The following INO80 variants were observed in gnomAD, a reference collection of about 807,000 sequenced individuals.
INO80 encodes the protein INO80 complex ATPase subunit.
INO80 carries 20 observed loss-of-function variants against 203.4 expected under a neutral mutation model. The observed-to-expected ratio is 0.10, with a 90% CI of 0.07 to 0.14. The LOEUF (loss-of-function observed/expected upper bound fraction) is 0.14. Ranked by LOEUF, INO80 falls within the 10% of genes least tolerant of loss-of-function variation. The pLI, the probability that INO80 is intolerant of heterozygous loss-of-function variation, is 1.00. For synonymous variants in INO80, 726 were observed against 685.2 expected (o/e 1.06, Z -0.93); for missense variants, 1,419 against 1,914.4 (o/e 0.74, Z 4.83).
intron 8 of INO80, among the ~76,000 whole-genome samples, chr15:41,080,602 T>C (rs2045471380): frequency 6.6e-6 from 1 of 152,192 alleles, no homozygotes; most frequent in Non-Finnish European, 1.5e-5. Flanking sequence ...ATGCCTGTAA[T>C]CCTAGCACTT....
At chr15:40,995,590 CAG>C (rs781655127) in intron 29 of INO80, among the ~76,000 whole-genome samples, 18 of 152,106 alleles carry the variant, frequency 1.2e-4, no homozygotes, top group Non-Finnish European at 2.1e-4. Flanking sequence ...GAGAAACTAA[CAG>C]AGTACCAGCA....
At chr15:41,039,313 T>C (rs2044632476) in intron 24 of INO80, among the ~76,000 whole-genome samples, 1 of 152,222 alleles carries the variant, frequency 6.6e-6, no homozygotes, top group Non-Finnish European at 1.5e-5. Context: ...TTCTATAAAG[T>C]GATCTTCTCC....
rs142519612 is a variant in INO80, at chr15:41,076,358, T to TCAAAACAAAA, written c.1132-1803_1132-1794dup. On this transcript the variant is annotated intron_variant, in intron 9 of 35. Coordinates refer to ENST00000648947, the MANE Select transcript of INO80 (RefSeq NM_017553.3). ...CTGGGTAACAGAGCAAGACTCTGTC[T>TCAAAACAAAA]CAAAACAAAACAAAACAAAACAAAA... Among the ~76,000 whole-genome samples, 645 of 151,566 alleles carry TCAAAACAAAA rather than the reference T, an allele frequency of 4.3e-3. 8 individuals carry two copies. The highest frequency in any genetic ancestry group is 0.015 in the African/African-American group (611 of 41,166).
chr15:41,031,368 T>G (rs796661997), intron 24 of INO80, among the ~76,000 whole-genome samples: 14 of 149,790 alleles, frequency 9.3e-5, no homozygotes, highest in African/African-American at 3.2e-4. Context: ...CATTACTTCT[T>G]TAGTCTAACT....
chr15:41,075,477 C>T (rs940727841), intron 9 of INO80, among the ~76,000 whole-genome samples: 1 of 151,602 alleles, frequency 6.6e-6, no homozygotes, highest in Non-Finnish European at 1.5e-5. Context: ...AGGCGGGGGG[C>T]AGAGTCTCCC....
chr15:41,036,500 TCCCTAAAC>T (rs1566922004), intron 24 of INO80, among the ~76,000 whole-genome samples: 2 of 151,902 alleles, frequency 1.3e-5, no homozygotes, highest in Non-Finnish European at 1.5e-5. Context: ...CTGCCCACTT[TCCCTAAAC>T]CCCTAGAAGT....
intron 19 of INO80, among the ~76,000 whole-genome samples, chr15:41,051,863 C>A (rs1046812264): frequency 2.6e-5 from 4 of 152,020 alleles, no homozygotes; most frequent in Non-Finnish European, 5.9e-5. Flanking sequence ...GAGGCTGAGG[C>A]AGGCGAGTCG....
At chr15:41,096,777 C>A (rs2045731423) in intron 1 of INO80, among the ~76,000 whole-genome samples, 1 of 152,214 alleles carries the variant, frequency 6.6e-6, no homozygotes, top group African/African-American at 2.4e-5. Flanking sequence ...GCATCACCTT[C>A]AAAATAGGTG....
At chr15:41,113,171 T>C (rs956060982) in intron 1 of INO80, among the ~76,000 whole-genome samples, 1 of 152,128 alleles carries the variant, frequency 6.6e-6, no homozygotes, top group African/African-American at 2.4e-5. Flanking sequence ...CTGCTCAGCC[T>C]CCCAAAGTGC....
chr15:41,055,462 A>T, intron 17 of INO80, 98 bp from the exon 18 acceptor site: 1 of 574,808 alleles, frequency 1.7e-6, no homozygotes, highest in Non-Finnish European at 3.0e-6. Flanking sequence ...ATTAGTGTGT[A>T]AGTGCCTAGA....
intron 27 of INO80, among the ~76,000 whole-genome samples, chr15:41,012,525 T>G (rs2044145953): frequency 7.7e-6 from 1 of 129,752 alleles, no homozygotes. Flanking sequence ...ATCCCGCCAT[T>G]GCACTCCAGC....
intron 14 of INO80, among the ~76,000 whole-genome samples, chr15:41,068,987 T>C (rs2045268349): frequency 6.6e-6 from 1 of 152,230 alleles, no homozygotes; most frequent in African/African-American, 2.4e-5. Context: ...CAAAAATCTA[T>C]GTTAAACCAA....
At position 41,086,568 on chromosome 15, in the gene INO80, G is replaced by T. The variant is rs190368458; in HGVS notation, c.659-985C>A. Among the ~76,000 whole-genome samples, 407 of 151,210 alleles carry T rather than the reference G, an allele frequency of 2.7e-3. 3 individuals are homozygous for T. The highest frequency in any genetic ancestry group is 0.013 in the South Asian group (61 of 4,760). ...CGGGAGGCTGAGGCATGAGAATTGC[G>T]TGAACTCAGGAGGTAGAGGTTGCAG... On this transcript the variant is annotated intron_variant, in intron 6 of 35. Coordinates refer to ENST00000648947, the MANE Select transcript of INO80 (RefSeq NM_017553.3).
intron 28 of INO80, among the ~76,000 whole-genome samples, chr15:40,998,399 T>C (rs1371709042): frequency 6.6e-6 from 1 of 152,124 alleles, no homozygotes; most frequent in Non-Finnish European, 1.5e-5. Flanking sequence ...GCTGTGACTT[T>C]TATGTGCTAA....
intron 29 of INO80, among the ~76,000 whole-genome samples, chr15:40,991,586 C>T (rs1393767026): frequency 6.6e-6 from 1 of 151,918 alleles, no homozygotes; most frequent in Non-Finnish European, 1.5e-5. Flanking sequence ...CAAGTCAATC[C>T]ACAAAGCGTG....
chr15:40,985,690 GC>G (rs2140411302), intron 31 of INO80, among the ~76,000 whole-genome samples: 1 of 152,142 alleles, frequency 6.6e-6, no homozygotes, highest in Admixed American at 6.5e-5. Context: ...CAGGCTGATG[GC>G]TCAAGCCCAG....
rs768979105 is a variant in INO80 at position 41,074,432 on chromosome 15, G to T, written c.1265C>A (p.Ser422Tyr). The change falls in exon 10 of 36, where the codon TCT becomes TAT. Residue 422 changes from serine to tyrosine, a missense_variant. Ser to Tyr is a moderately radical substitution (Grantham distance 144). Around this residue, in one of 9 missense-constraint regions of INO80, gnomAD observed 116 missense variants for 119.5 expected, o/e 0.97. Coordinates refer to ENST00000648947, the MANE Select transcript of INO80 (RefSeq NM_017553.3). ...ACCTATATCGATTTGTCTCTGGGTA[G>T]AACTGTCTTCCAGTTTCCTTAGGAT... Reference protein sequence around the residue: ...EEILRKLEDSSTQRQIDIGGG... With the variant: ...EEILRKLEDSYTQRQIDIGGG... 1.2e-6 allele frequency: 2 copies of T among 1,613,988 alleles called. No homozygotes were observed. Among genetic ancestry groups the T allele is most frequent in the Admixed American group, 3.3e-5 (2 of 59,998 alleles).
chr15:40,989,014 CAAA>C (rs55929719), intron 29 of INO80, among the ~76,000 whole-genome samples: 2 of 144,824 alleles, frequency 1.4e-5, no homozygotes, highest in Non-Finnish European at 3.0e-5. Flanking sequence ...GCCTCCGTCT[CAAA>C]AAAAAAAAAA....
chr15:41,056,566 G>A, intron 17 of INO80, 56 bp downstream of exon 17: 1 of 1,290,728 alleles, frequency 7.7e-7, no homozygotes, highest in Non-Finnish European at 1.1e-6. Context: ...TCTATGCTCT[G>A]CTGGAATCCT....
Sources: allele counts gnomAD v4.1 joint callset (sites outside exome capture counted in the v4.1 genomes callset), GRCh38; gene constraint gnomAD v4.1.1; regional missense constraint gnomAD v4.1.1; transcripts MANE v1.5; gene names NCBI Gene and HGNC (gene_info 2026-07-23, HGNC 2026-07-21).